Variants in TPP2 observed in about 807,000 individuals in gnomAD.
TPP2 encodes the protein tripeptidyl-peptidase 2.
Under a neutral mutation model 155.9 loss-of-function variants are expected in TPP2, and 34 were observed. The observed-to-expected ratio is 0.22, with a 90% CI of 0.17 to 0.29. The LOEUF (loss-of-function observed/expected upper bound fraction) is 0.29, where lower values mean the gene tolerates loss of function less well. Ranked by LOEUF, TPP2 falls within the 10% of genes least tolerant of loss-of-function variation. The pLI is 1.00. For missense variants in TPP2, 1,028 were observed against 1,522.3 expected, an observed-to-expected ratio of 0.68 and a Z score of 5.40; for synonymous variants, 510 against 529.4, an observed-to-expected ratio of 0.96 and a Z score of 0.50.
At chr13:102,629,674 A>T in intron 9 of TPP2, 65 bp downstream of exon 9, 1 of 1,518,690 alleles carries the variant, frequency 6.6e-7, no homozygotes, top group Non-Finnish European at 8.7e-7. Flanking sequence ...ATAGTTAATG[A>T]AATGTTACCT....
At chr13:102,617,075 GTTT>G (rs111301394) in intron 4 of TPP2, among the ~76,000 whole-genome samples, 1 of 143,760 alleles carries the variant, frequency 7.0e-6, no homozygotes. Context: ...CACCCGACTA[GTTT>G]TTTTTTTTTG....
intron 16 of TPP2, among the ~76,000 whole-genome samples, chr13:102,640,923 T>A (rs1004660235): frequency 6.6e-6 from 1 of 152,176 alleles, no homozygotes; most frequent in Non-Finnish European, 1.5e-5. Flanking sequence ...GTGCTGGGAT[T>A]ACAGGCATGA....
intron 1 of TPP2, among the ~76,000 whole-genome samples, chr13:102,598,487 A>T (rs1021965504): frequency 6.6e-6 from 1 of 152,256 alleles, no homozygotes; most frequent in African/African-American, 2.4e-5. Context: ...TTTGTGAATC[A>T]GAAGAGGATC....
intron 1 of TPP2, 33 bp downstream of exon 1, chr13:102,597,236 GC>G: frequency 1.6e-6 from 2 of 1,284,244 alleles, no homozygotes; most frequent in Non-Finnish European, 2.0e-6. Flanking sequence ...GGGCGCGGGG[GC>G]GCGGGCGGCC....
chr13:102,674,858 G>A (rs1170223624), intron 28 of TPP2, among the ~76,000 whole-genome samples: 1 of 152,168 alleles, frequency 6.6e-6, no homozygotes, highest in Non-Finnish European at 1.5e-5. Flanking sequence ...ATTGGGGGCA[G>A]GTTGAGGAGA....
intron 6 of TPP2, 40 bp from the exon 7 acceptor site, chr13:102,626,972 A>G (rs1414097850): frequency 6.1e-6 from 9 of 1,466,144 alleles, no homozygotes; most frequent in Non-Finnish European, 8.1e-6. Context: ...CTTTCAGTCC[A>G]TGAGAATGTT....
At chr13:102,670,815 A>C (rs1884924850) in intron 27 of TPP2, among the ~76,000 whole-genome samples, 1 of 152,208 alleles carries the variant, frequency 6.6e-6, no homozygotes, top group Non-Finnish European at 1.5e-5. Flanking sequence ...TTAAGGTCTT[A>C]CTGACCGGTA....
At chr13:102,597,599 CT>C (rs760357582) in intron 1 of TPP2, among the ~76,000 whole-genome samples, 2 of 152,236 alleles carry the variant, frequency 1.3e-5, no homozygotes, top group African/African-American at 2.4e-5. Context: ...CGCCGCCTTC[CT>C]CTGCCTACCC....
Position 102,669,426 on chromosome 13 carries a change from G to A in TPP2, c.3371+4501G>A, listed in dbSNP as rs574411776. Among the ~76,000 whole-genome samples, 60 of 152,216 alleles carry A rather than the reference G, an allele frequency of 3.9e-4. 1 individual carries two copies. The highest frequency in any genetic ancestry group is 1.3e-3 in the African/African-American group (55 of 41,538). On this transcript the variant is annotated intron_variant, in intron 27 of 29. Transcript: ENST00000376052. The stretch of plus-strand genomic sequence containing the variant: ...ATATCAGTTTTAATTTTTGTGGGCC[G>A]CTCCATAAATGCAAAAGTTAAAAGA...
At position 102,678,585 on chromosome 13, in the gene TPP2, G is replaced by T; in HGVS notation, c.*269G>T. The T allele has an allele frequency of 3.2e-6, 1 of 313,530 alleles. No individual in the cohort carries two copies. The highest frequency in any genetic ancestry group is 4.6e-5 in the Admixed American group (1 of 21,840). 19.4% of individuals were successfully genotyped at this position (313,530 alleles called of 1,614,324 possible). ...GCCAGCACCTAGGACTTCGAGTTGGGTTGCAGCTTATGACATGCATGATAG... is the reference window on the plus strand; with the variant it reads ...GCCAGCACCTAGGACTTCGAGTTGGTTTGCAGCTTATGACATGCATGATAG... On this transcript the variant is annotated 3_prime_UTR_variant, in exon 30 of 30. Coordinates refer to ENST00000376052, the MANE Select transcript of TPP2 (RefSeq NM_001330588.2).
chr13:102,676,241 T>C (rs1885275293), intron 28 of TPP2, 55 bp from the exon 29 acceptor site: 1 of 1,433,462 alleles, frequency 7.0e-7, no homozygotes. Context: ...TTAAAGCTAA[T>C]GCCTTAAAAT....
At chr13:102,616,548 C>A (rs756587218) in intron 4 of TPP2, 48 bp downstream of exon 4, 27 of 1,453,162 alleles carry the variant, frequency 1.9e-5, no homozygotes, top group Admixed American at 1.1e-4. Context: ...AACCATATTC[C>A]CATAGAGTTT....
chr13:102,675,699 A>G (rs1473350019), intron 28 of TPP2, among the ~76,000 whole-genome samples: 1 of 152,196 alleles, frequency 6.6e-6, no homozygotes, highest in African/African-American at 2.4e-5. Context: ...ATTAGGGGCT[A>G]TGCATTCTAT....
intron 24 of TPP2, among the ~76,000 whole-genome samples, 186 bp downstream of exon 24, chr13:102,651,583 T>G (rs1325985648): frequency 6.6e-6 from 1 of 152,032 alleles, no homozygotes; most frequent in African/African-American, 2.4e-5. Context: ...CTAAAGGTTT[T>G]TTTTTTTTTC....
At chr13:102,611,616 G>A (rs534796845) in intron 2 of TPP2, among the ~76,000 whole-genome samples, 28 of 152,078 alleles carry the variant, frequency 1.8e-4, no homozygotes, top group Non-Finnish European at 3.2e-4. Context: ...CCAATATGGC[G>A]CCACTGCACA....
At chr13:102,632,277 C>A (rs769035025) in intron 10 of TPP2, among the ~76,000 whole-genome samples, 41 of 151,040 alleles carry the variant, frequency 2.7e-4, no homozygotes, top group Non-Finnish European at 1.6e-4. Context: ...CAGAGTCTTG[C>A]TCTGTCACCC....
intron 2 of TPP2, among the ~76,000 whole-genome samples, chr13:102,610,460 C>T (rs931193329): frequency 1.3e-5 from 2 of 152,184 alleles, no homozygotes; most frequent in African/African-American, 4.8e-5. Flanking sequence ...GAACTCCTGA[C>T]ATCAGGTGAT....
chr13:102,666,250 C>T (rs1595214333), intron 27 of TPP2, among the ~76,000 whole-genome samples: 1 of 152,228 alleles, frequency 6.6e-6, no homozygotes, highest in East Asian at 1.9e-4. Context: ...TTGGAAAGCA[C>T]ATAGTCAAAT....
intron 16 of TPP2, among the ~76,000 whole-genome samples, chr13:102,642,428 T>C (rs1882826704): frequency 1.3e-5 from 2 of 152,116 alleles, no homozygotes; most frequent in African/African-American, 4.8e-5. Flanking sequence ...TTGAAAATAA[T>C]TTGTTTTTTT....
Sources: allele counts gnomAD v4.1 joint callset (sites outside exome capture counted in the v4.1 genomes callset), GRCh38; gene constraint gnomAD v4.1.1; transcripts MANE v1.5; gene names NCBI Gene and HGNC (gene_info 2026-07-23, HGNC 2026-07-21).